The following PSMC6 variants were observed in gnomAD, a reference collection of about 807,000 sequenced individuals.
The protein encoded by PSMC6 is proteasome 26S subunit, ATPase 6.
In PSMC6, 3 loss-of-function variants were observed where a neutral mutation model predicts 55.9. The ratio of observed to expected loss-of-function variants is 0.05; its 90% CI spans 0.02 to 0.14. The LOEUF is 0.14. Ranked by LOEUF, PSMC6 falls within the 10% of genes least tolerant of loss-of-function variation. PSMC6 has a pLI of 1.00. For missense variants in PSMC6, 210 were observed against 478.7 expected (o/e 0.44, Z 5.24); for synonymous variants, 137 against 155.9 (o/e 0.88, Z 0.90).
rs146589469 is a variant in PSMC6, at chr14:52,714,947, A to G, written c.529+979A>G. Among the ~76,000 whole-genome samples, 901 of 152,126 alleles carry G rather than the reference A, an allele frequency of 5.9e-3. 7 individuals carry two copies. The highest frequency in any genetic ancestry group is 0.032 in the South Asian group (154 of 4,826). ...ACTGCTTGACATATGTAGCCCCACA[A>G]TGACACAAAACAAAAAACTAAAATG... On this transcript the variant is annotated intron_variant, in intron 7 of 13. Transcript: ENST00000445930.
chr14:52,718,528 C>T (rs1038539219), intron 9 of PSMC6, 176 bp downstream of exon 9: 10 of 665,790 alleles, frequency 1.5e-5, no homozygotes, highest in Non-Finnish European at 2.4e-5. Context: ...GTGGCTCATG[C>T]CTGTAATCCC....
At chr14:52,716,504 A>T (rs564642543) in intron 7 of PSMC6, among the ~76,000 whole-genome samples, 1 of 152,332 alleles carries the variant, frequency 6.6e-6, no homozygotes, top group African/African-American at 2.4e-5. Context: ...CTGTAGTGCC[A>T]ACACTTTGGG....
rs137981170 is a variant in PSMC6, at chr14:52,723,035, T to A, written c.980-930T>A. On this transcript the variant is annotated intron_variant, in intron 12 of 13. Transcript: ENST00000445930. ...TGAATTTCACTATCTTCATTGCCCCTGTTAGAGAGTTTTGAGCTGGAAAGA... is the reference window on the plus strand; with the variant it reads ...TGAATTTCACTATCTTCATTGCCCCAGTTAGAGAGTTTTGAGCTGGAAAGA... 3.9e-5 allele frequency: 6 copies of A among 152,290 alleles called. No individual in the cohort carries two copies. The East Asian group carries it at 9.6e-4, about 24-fold the overall frequency. The allele number at this position is 152,290 out of a possible 1,614,324, so 9.4% of individuals were successfully genotyped here.
chr14:52,717,274 TA>T (rs1444722023), intron 7 of PSMC6, among the ~76,000 whole-genome samples: 3 of 151,906 alleles, frequency 2.0e-5, no homozygotes, highest in Non-Finnish European at 4.4e-5. Context: ...AAATAGATTT[TA>T]AAAATTATAA....
At chr14:52,722,880 A>G (rs914586329) in intron 12 of PSMC6, 1 of 152,170 alleles carries the variant, frequency 6.6e-6, no homozygotes, top group African/African-American at 2.4e-5. Context: ...AGCATACAGT[A>G]TTTACTCTCT....
rs1381770214 is a variant in PSMC6, at chr14:52,718,209, A to T, written c.592-20A>T. On this transcript the variant is annotated intron_variant, in intron 8 of 13. Transcript: ENST00000445930. The stretch of plus-strand genomic sequence containing the variant: ...ACTTGAATTATCTTATATTTACCTT[A>T]CTGTTTTTCCTTTAATCAGGTTGTA... 3.1e-6 allele frequency: 5 copies of T among 1,609,980 alleles called. No individual in the cohort carries two copies. In the Admixed American group the frequency reaches 8.3e-5, roughly 27 times the overall value.
Position 52,708,905 on chromosome 14 carries a change from A to T in PSMC6, c.258+89A>T. 4.5e-6 allele frequency: 7 copies of T among 1,560,954 alleles called. No homozygotes were observed. The South Asian group carries it at 8.2e-5, about 18-fold the overall frequency. On this transcript the variant is annotated intron_variant, in intron 4 of 13. Coordinates refer to ENST00000445930, the MANE Select transcript of PSMC6 (RefSeq NM_002806.5). Reference sequence around the variant, plus strand: ...TCTAATTCTTGAGGCAAGCAGGTGGAGCATTTATGCCCATAACTCACAAGG... The same window carrying T: ...TCTAATTCTTGAGGCAAGCAGGTGGTGCATTTATGCCCATAACTCACAAGG...
At chr14:52,724,061 C>G (rs796402678) in intron 13 of PSMC6, 25 bp downstream of exon 13, 1 of 1,590,680 alleles carries the variant, frequency 6.3e-7, no homozygotes, top group Non-Finnish European at 8.6e-7. Flanking sequence ...TACAGTTTTA[C>G]TATTGATTTT....
At chr14:52,721,067 A>T (rs750517569) in intron 11 of PSMC6, 43 bp from the exon 12 acceptor site, 2 of 1,578,512 alleles carry the variant, frequency 1.3e-6, no homozygotes, top group Admixed American at 1.9e-5. Context: ...ACTGTATTTT[A>T]AAAAAGATAA....
At position 52,719,120 on chromosome 14, in the gene PSMC6, A is replaced by G. The variant is rs2041862076; in HGVS notation, c.777+82A>G. ...GAACATTGCATATTTGATAGTCAAA[A>G]TATATAGAACATTTTAAATGAAATA... On this transcript the variant is annotated intron_variant, in intron 10 of 13. Transcript: ENST00000445930. 8.7e-6 allele frequency: 10 copies of G among 1,145,856 alleles called. No individual in the cohort carries two copies. In the South Asian group the frequency reaches 1.3e-4, roughly 15 times the overall value. The allele number at this position is 1,145,856 out of a possible 1,614,324, so 71.0% of individuals were successfully genotyped here.
intron 1 of PSMC6, 44 bp from the exon 2 acceptor site, chr14:52,708,265 A>G: frequency 1.3e-6 from 2 of 1,520,204 alleles, no homozygotes; most frequent in Non-Finnish European, 1.8e-6. Context: ...TAAACACACT[A>G]AGATTACTGT....
chr14:52,710,810 T>G, intron 4 of PSMC6: 1 of 379,832 alleles, frequency 2.6e-6, no homozygotes, highest in Non-Finnish European at 4.8e-6. Flanking sequence ...ATAAATGCTT[T>G]GGTAGCAATT....
intron 13 of PSMC6, among the ~76,000 whole-genome samples, chr14:52,724,303 C>T (rs1292772873): frequency 2.0e-5 from 3 of 152,174 alleles, no homozygotes; most frequent in Non-Finnish European, 4.4e-5. Flanking sequence ...TCCAGGATCA[C>T]CCAGCTGAAA....
chr14:52,721,182 G>T lies in PSMC6; in HGVS notation c.971G>T (p.Gly324Val). Reference protein sequence around the residue: ...KIHAGPITKHGEIDYEAIVKL... With the variant: ...KIHAGPITKHVEIDYEAIVKL... Reference sequence around the variant, plus strand: ...CATGCAGGTCCCATTACAAAGCATGGTGAAATAGGTAAGGAAGTCATCTAT... The same window carrying T: ...CATGCAGGTCCCATTACAAAGCATGTTGAAATAGGTAAGGAAGTCATCTAT... The change falls in exon 12 of 14, where the codon GGT becomes GTT. Residue 324 changes from glycine (G) to valine (V), a missense_variant. Around this residue, in one of 4 missense-constraint regions of PSMC6, gnomAD observed 79 missense variants for 158.7 expected, o/e 0.50. Transcript: ENST00000445930. 1 of 1,577,836 alleles carries T rather than the reference G, an allele frequency of 6.3e-7. No homozygotes were observed. The highest frequency in any genetic ancestry group is 8.6e-7 in the Non-Finnish European group (1 of 1,163,264).
In PSMC6 at chr14:52,718,406, A is replaced by G. The variant is rs925821783; in HGVS notation, c.715+54A>G. ...TAGGACTTTTTTTTAAATGTAAAAG[A>G]ACCTTTTTCCCTCTCTTAATCTGTA... is the stretch of plus-strand genomic sequence containing the variant. On this transcript the variant is annotated intron_variant, in intron 9 of 13. Transcript: ENST00000445930. 1.4e-5 allele frequency: 21 copies of G among 1,539,694 alleles called. No individual in the cohort carries two copies. In the African/African-American group the frequency reaches 2.9e-4, roughly 21 times the overall value.
Position 52,707,829 on chromosome 14 carries a change from T to C in PSMC6, c.86-480T>C, listed in dbSNP as rs185156641. Among the ~76,000 whole-genome samples the C allele has an allele frequency of 5.5e-3, 833 of 152,224 alleles. 9 individuals are homozygous for C. The highest frequency in any genetic ancestry group is 6.8e-3 in the South Asian group (33 of 4,820). On this transcript the variant is annotated intron_variant, in intron 1 of 13. Coordinates refer to ENST00000445930, the MANE Select transcript of PSMC6 (RefSeq NM_002806.5). ...TTCCCTTACCTCCTGAGTGCTTAACTTTTTTTTCCAGTGCATTTTCATTGA... is the reference window on the plus strand; with the variant it reads ...TTCCCTTACCTCCTGAGTGCTTAACCTTTTTTTCCAGTGCATTTTCATTGA...
chr14:52,708,946 A>G (rs921128351), intron 4 of PSMC6, 130 bp downstream of exon 4: 4 of 1,319,656 alleles, frequency 3.0e-6, no homozygotes, highest in South Asian at 3.0e-5. Context: ...TTGTTCAGAC[A>G]TAGCTAGTTA....
intron 4 of PSMC6, chr14:52,709,442 G>A (rs1299863900): frequency 1.9e-5 from 6 of 315,026 alleles, no homozygotes; most frequent in Non-Finnish European, 3.7e-5. Context: ...ACAGAACATG[G>A]CTGTAAGGGA....
chr14:52,719,147 G>T (rs578149052), intron 10 of PSMC6, 109 bp downstream of exon 10: 3 of 984,338 alleles, frequency 3.0e-6, no homozygotes, highest in Non-Finnish European at 4.5e-6. Flanking sequence ...AATGAAATAT[G>T]AAATTTGAAA....
Sources: gnomAD v4.1 joint callset for allele counts (sites outside exome capture counted in the v4.1 genomes callset) on GRCh38, gnomAD v4.1.1 for gene constraint, gnomAD v4.1.1 regional missense constraint, MANE v1.5 for transcripts, NCBI Gene and HGNC (gene_info 2026-07-23, HGNC 2026-07-21) for gene names.